HECW1: variants seen among roughly 807,000 people sequenced by gnomAD.
HECW1 encodes the protein HECT, C2 and WW domain containing E3 ubiquitin protein ligase 1, also known as E3 ubiquitin-protein ligase HECW1.
A neutral mutation model predicts 182.3 loss-of-function variants in HECW1; 61 were observed. The ratio of observed to expected loss-of-function variants is 0.33; its 90% confidence interval spans 0.27 to 0.41. The LOEUF (loss-of-function observed/expected upper bound fraction) is 0.41. HECW1 is among the 10% of genes least tolerant of loss of function. The pLI is 1.00. For missense variants in HECW1, 1,739 were observed against 2,108.9 expected (o/e 0.82, Z 3.44); for synonymous variants, 859 against 832.6 (o/e 1.03, Z -0.55).
chr7:43,302,138 G>C (rs1270107535), intron 3 of HECW1, among the ~76,000 whole-genome samples: 3 of 152,094 alleles, frequency 2.0e-5, no homozygotes, highest in Non-Finnish European at 4.4e-5. Context: ...TCACCTAATA[G>C]CAGGCAAATG....
intron 8 of HECW1, among the ~76,000 whole-genome samples, chr7:43,410,687 A>T (rs1031940605): frequency 6.6e-5 from 10 of 152,184 alleles, no homozygotes; most frequent in Non-Finnish European, 1.5e-4. Context: ...TAAATTATGA[A>T]TTTAGTCTTT....
intron 2 of HECW1, among the ~76,000 whole-genome samples, chr7:43,203,412 TACTGA>T (rs1795187543): frequency 6.6e-6 from 1 of 152,054 alleles, no homozygotes; most frequent in African/African-American, 2.4e-5. Flanking sequence ...GGAGTGAGAT[TACTGA>T]ACAAAGGATA....
rs531363390 is a variant in HECW1 at position 43,456,860 on chromosome 7, A to G, written c.2651+413A>G. Among the ~76,000 whole-genome samples the G allele has an allele frequency of 2.3e-3, 349 of 152,342 alleles. 1 individual carries two copies. The highest frequency in any genetic ancestry group is 3.4e-3 in the Non-Finnish European group (231 of 68,030). On this transcript the variant is annotated intron_variant, in intron 13 of 29. Transcript: ENST00000395891. ...CACCCATCATACAGTTCTCAAAAGG[A>G]TAGAGACCTCAGTTAAACACATTCC...
At chr7:43,163,534 G>A (rs1790778864) in intron 2 of HECW1, among the ~76,000 whole-genome samples, 1 of 152,048 alleles carries the variant, frequency 6.6e-6, no homozygotes, top group African/African-American at 2.4e-5. Flanking sequence ...GAAGGTCCAG[G>A]CCAAGTCGCA....
At position 43,251,698 on chromosome 7, in the gene HECW1, C is replaced by T. The variant is rs549042125; in HGVS notation, c.27+7766C>T. Among the ~76,000 whole-genome samples, 4 of 152,316 alleles carry T rather than the reference C, an allele frequency of 2.6e-5. No homozygotes were observed. The South Asian group carries it at 8.3e-4, about 32-fold the overall frequency. On this transcript the variant is annotated intron_variant, in intron 3 of 29. Transcript: ENST00000395891. ...TTTGGAGTTACGGGTTCATTACACT[C>T]CTGCCTAATTAAAACCCAGCCGATG...
chr7:43,291,074 G>A (rs746810675), intron 3 of HECW1, among the ~76,000 whole-genome samples: 4 of 152,164 alleles, frequency 2.6e-5, no homozygotes, highest in African/African-American at 7.2e-5. Context: ...TCTCCTCCAC[G>A]CTGTTATATG....
intron 2 of HECW1, among the ~76,000 whole-genome samples, chr7:43,217,490 G>A (rs1796547279): frequency 6.6e-6 from 1 of 152,222 alleles, no homozygotes; most frequent in Non-Finnish European, 1.5e-5. Context: ...TACTGTTGCT[G>A]CTTTTCATTT....
intron 3 of HECW1, among the ~76,000 whole-genome samples, chr7:43,294,548 A>G (rs1326327614): frequency 6.6e-6 from 1 of 152,116 alleles, no homozygotes; most frequent in African/African-American, 2.4e-5. Flanking sequence ...AAAGCAGATT[A>G]TTCACCTGGC....
At chr7:43,225,516 G>A (rs1331542636) in intron 2 of HECW1, among the ~76,000 whole-genome samples, 4 of 152,072 alleles carry the variant, frequency 2.6e-5, no homozygotes, top group African/African-American at 9.7e-5. Flanking sequence ...CTCATCTGTA[G>A]GAGAACAGAT....
chr7:43,339,587 C>T (rs1042113738), intron 5 of HECW1, among the ~76,000 whole-genome samples: 16 of 152,160 alleles, frequency 1.1e-4, no homozygotes, highest in African/African-American at 3.9e-4. Context: ...CTGCTTCTAT[C>T]TATTGCTGTA....
intron 2 of HECW1, among the ~76,000 whole-genome samples, chr7:43,199,242 C>A (rs1384168758): frequency 6.6e-6 from 1 of 152,216 alleles, no homozygotes; most frequent in Admixed American, 6.5e-5. Flanking sequence ...ACGAGTTTTG[C>A]ACTTTTAATG....
intron 21 of HECW1, among the ~76,000 whole-genome samples, chr7:43,506,246 G>A (rs2079572058): frequency 6.6e-6 from 1 of 152,082 alleles, no homozygotes; most frequent in East Asian, 1.9e-4. Flanking sequence ...GGAACATGAT[G>A]GACACATGTA....
intron 2 of HECW1, among the ~76,000 whole-genome samples, chr7:43,209,949 G>A (rs1277707691): frequency 6.6e-6 from 1 of 152,162 alleles, no homozygotes; most frequent in African/African-American, 2.4e-5. Flanking sequence ...ATGTCAGAGT[G>A]GAACTTTAAC....
chr7:43,362,230 C>G (rs959967942), intron 6 of HECW1, among the ~76,000 whole-genome samples: 1 of 151,384 alleles, frequency 6.6e-6, no homozygotes, highest in Non-Finnish European at 1.5e-5. Context: ...TTCCATTTTG[C>G]TGCTTTGCAA....
chr7:43,359,134 T>C (rs1205008280), intron 5 of HECW1, among the ~76,000 whole-genome samples: 1 of 152,202 alleles, frequency 6.6e-6, no homozygotes, highest in Non-Finnish European at 1.5e-5. Flanking sequence ...CCCATATCTT[T>C]TAACCTAAAG....
At chr7:43,205,637 G>A (rs531807588) in intron 2 of HECW1, among the ~76,000 whole-genome samples, 53 of 152,250 alleles carry the variant, frequency 3.5e-4, no homozygotes, top group African/African-American at 1.0e-3. Flanking sequence ...AGAATGTCGC[G>A]CAGGTTGTAC....
chr7:43,445,074 G>T lies in HECW1; in HGVS notation c.1902G>T (p.Gly634=). ...TPGTAHPGHS[G]GHFPSLANGA... Reference sequence around the variant, plus strand: ...GCACGGCGCACCCTGGCCACTCCGGGGGCCACTTCCCCAGCCTGGCCAATG... The same window carrying T: ...GCACGGCGCACCCTGGCCACTCCGGTGGCCACTTCCCCAGCCTGGCCAATG... Residue 634 remains glycine, a synonymous_variant, in exon 11 of 30, where the codon GGG becomes GGT. Coordinates refer to ENST00000395891, the MANE Select transcript of HECW1 (RefSeq NM_015052.5). The T allele has an allele frequency of 6.3e-7, 1 of 1,598,994 alleles. No individual in the cohort carries two copies.
At chr7:43,293,743 T>C (rs1440240752) in intron 3 of HECW1, among the ~76,000 whole-genome samples, 1 of 152,102 alleles carries the variant, frequency 6.6e-6, no homozygotes, top group African/African-American at 2.4e-5. Flanking sequence ...TTTTAGTGCA[T>C]TATATAACCT....
At chr7:43,186,462 T>C (rs1793407927) in intron 2 of HECW1, among the ~76,000 whole-genome samples, 1 of 151,976 alleles carries the variant, frequency 6.6e-6, no homozygotes, top group Non-Finnish European at 1.5e-5. Context: ...GGTCAGGAGA[T>C]TGAGACCATC....
Sources: gnomAD v4.1 joint callset for allele counts (sites outside exome capture counted in the v4.1 genomes callset) on GRCh38, gnomAD v4.1.1 for gene constraint, MANE v1.5 for transcripts, NCBI Gene and HGNC (gene_info 2026-07-23, HGNC 2026-07-21) for gene names.